CDKAL1: variants seen among roughly 807,000 people sequenced by gnomAD.
The protein encoded by CDKAL1 is CDKAL1 threonylcarbamoyladenosine tRNA methylthiotransferase.
Under a neutral mutation model 68.2 loss-of-function variants are expected in CDKAL1, and 32 were observed. The observed-to-expected ratio is 0.47, with a 90% confidence interval of 0.35 to 0.63. The LOEUF (loss-of-function observed/expected upper bound fraction) is 0.63. Among genes scored for constraint, CDKAL1 ranks in the 30% least tolerant of loss-of-function variants. The pLI is 0.00. For missense variants in CDKAL1, 606 were observed against 696.7 expected, an observed-to-expected ratio of 0.87 and a Z score of 1.47; for synonymous variants, 234 against 244.3, an observed-to-expected ratio of 0.96 and a Z score of 0.39.
intron 9 of CDKAL1, among the ~76,000 whole-genome samples, chr6:20,856,013 T>C (rs542143971): frequency 1.3e-5 from 2 of 152,310 alleles, no homozygotes; most frequent in African/African-American, 4.8e-5. Flanking sequence ...TGAGTGCAAA[T>C]CCACCTGCTT....
chr6:20,611,093 G>A (rs762052303), intron 4 of CDKAL1, among the ~76,000 whole-genome samples: 10 of 152,064 alleles, frequency 6.6e-5, no homozygotes, highest in Admixed American at 4.6e-4. Context: ...TTCTTTCTCT[G>A]CAGGCATCTT....
intron 9 of CDKAL1, among the ~76,000 whole-genome samples, chr6:20,920,615 T>C (rs1762910124): frequency 6.6e-6 from 1 of 152,200 alleles, no homozygotes; most frequent in East Asian, 1.9e-4. Context: ...ATCAAAATCA[T>C]GTTTATTGTT....
chr6:21,229,762 T>C (rs1343236453), intron 15 of CDKAL1, among the ~76,000 whole-genome samples: 2 of 152,152 alleles, frequency 1.3e-5, no homozygotes, highest in Non-Finnish European at 2.9e-5. Flanking sequence ...AGTCCCATGT[T>C]ATTGGGGGAG....
chr6:20,610,428 C>T (rs1447359173), intron 4 of CDKAL1, among the ~76,000 whole-genome samples: 4 of 152,152 alleles, frequency 2.6e-5, no homozygotes, highest in African/African-American at 7.2e-5. Flanking sequence ...TTCTCCCCAA[C>T]CTTGCCAGCA....
intron 13 of CDKAL1, among the ~76,000 whole-genome samples, chr6:21,159,899 C>G (rs1372226709): frequency 6.6e-6 from 1 of 152,192 alleles, no homozygotes; most frequent in Non-Finnish European, 1.5e-5. Flanking sequence ...GCTTATGTAA[C>G]AGACAAGAGT....
At chr6:20,791,030 A>G (rs1011516516) in intron 8 of CDKAL1, among the ~76,000 whole-genome samples, 3 of 152,176 alleles carry the variant, frequency 2.0e-5, no homozygotes, top group Admixed American at 6.5e-5. Flanking sequence ...CAGGTTCTCA[A>G]TCCGGTCCGT....
At chr6:20,882,660 G>A (rs1760880909) in intron 9 of CDKAL1, among the ~76,000 whole-genome samples, 1 of 152,004 alleles carries the variant, frequency 6.6e-6, no homozygotes, top group East Asian at 1.9e-4. Flanking sequence ...TTGTATGAAT[G>A]TACCACAGTG....
chr6:20,731,923 T>G (rs1581466810), intron 5 of CDKAL1, among the ~76,000 whole-genome samples: 1 of 152,080 alleles, frequency 6.6e-6, no homozygotes, highest in South Asian at 2.1e-4. Context: ...GATGACAAGA[T>G]CTCTCCCCTT....
chr6:20,976,782 T>G (rs1765865412), intron 10 of CDKAL1, among the ~76,000 whole-genome samples: 1 of 152,218 alleles, frequency 6.6e-6, no homozygotes, highest in Admixed American at 6.5e-5. Flanking sequence ...GAATTTGATT[T>G]ATTTTGCCCA....
intron 9 of CDKAL1, among the ~76,000 whole-genome samples, chr6:20,862,702 C>G (rs1025404093): frequency 3.9e-5 from 6 of 152,104 alleles, no homozygotes; most frequent in African/African-American, 1.4e-4. Context: ...CCCATATACT[C>G]TCACATAGCT....
intron 9 of CDKAL1, among the ~76,000 whole-genome samples, chr6:20,902,110 C>T (rs74726751): frequency 0.023 from 3,521 of 152,266 alleles, 139 homozygotes; most frequent in African/African-American, 0.077. Flanking sequence ...TGGATTATTA[C>T]TGTCTTTGTA....
intron 9 of CDKAL1, among the ~76,000 whole-genome samples, chr6:20,871,839 C>A (rs1760233607): frequency 6.6e-6 from 1 of 152,158 alleles, no homozygotes; most frequent in Non-Finnish European, 1.5e-5. Flanking sequence ...AAATTAACAT[C>A]ATTCCCTGTT....
chr6:20,701,168 C>T (rs890773772), intron 5 of CDKAL1, among the ~76,000 whole-genome samples: 18 of 152,072 alleles, frequency 1.2e-4, no homozygotes, highest in African/African-American at 4.1e-4. Flanking sequence ...CTTCCATCCC[C>T]ACATGCTGTG....
At chr6:20,860,724 T>C (rs1318016935) in intron 9 of CDKAL1, among the ~76,000 whole-genome samples, 1 of 151,820 alleles carries the variant, frequency 6.6e-6, no homozygotes, top group African/African-American at 2.4e-5. Flanking sequence ...CTCAGGAGAC[T>C]GAGGCAGGAG....
At chr6:21,130,848 G>A (rs1226366396) in intron 13 of CDKAL1, among the ~76,000 whole-genome samples, 1 of 152,186 alleles carries the variant, frequency 6.6e-6, no homozygotes, top group Non-Finnish European at 1.5e-5. Flanking sequence ...CAGCAAGGTA[G>A]TGAGAAGAAG....
intron 6 of CDKAL1, among the ~76,000 whole-genome samples, chr6:20,754,690 A>T (rs138919415): frequency 3.3e-5 from 5 of 152,332 alleles, no homozygotes; most frequent in East Asian, 1.9e-4. Flanking sequence ...AATTCTAGAT[A>T]TAAGTTCCTT....
intron 5 of CDKAL1, among the ~76,000 whole-genome samples, chr6:20,653,381 A>G (rs557091079): frequency 1.1e-4 from 16 of 152,220 alleles, no homozygotes; most frequent in Admixed American, 1.0e-3. Context: ...TCAGCACTTG[A>G]TATGGCCAGA....
chr6:20,659,540 C>A (rs892253257), intron 5 of CDKAL1, among the ~76,000 whole-genome samples: 1 of 152,206 alleles, frequency 6.6e-6, no homozygotes, highest in African/African-American at 2.4e-5. Context: ...TGTCTCCCAA[C>A]AGTGCTATGC....
intron 8 of CDKAL1, among the ~76,000 whole-genome samples, chr6:20,815,862 C>T (rs1777021400): frequency 6.6e-6 from 1 of 152,062 alleles, no homozygotes; most frequent in South Asian, 2.1e-4. Context: ...TATTGATTTC[C>T]TGGGGCTGTC....
Sources: gnomAD v4.1 joint callset for allele counts (sites outside exome capture counted in the v4.1 genomes callset) on GRCh38, gnomAD v4.1.1 for gene constraint, MANE v1.5 for transcripts, NCBI Gene and HGNC (gene_info 2026-07-23, HGNC 2026-07-21) for gene names.